The following COL6A3 variants were observed in gnomAD, a reference collection of about 807,000 sequenced individuals.
COL6A3 encodes the protein collagen alpha-3(VI) chain.
Under a neutral mutation model 274.1 loss-of-function variants are expected in COL6A3, and 137 were observed. The observed-to-expected ratio is 0.50, with a 90% CI of 0.44 to 0.58. The LOEUF (loss-of-function observed/expected upper bound fraction) is 0.58. COL6A3 is among the 20% of genes least tolerant of loss of function. COL6A3 has a pLI of 0.00. For missense variants in COL6A3, 3,950 were observed against 4,124.9 expected (o/e 0.96, Z 1.16); for synonymous variants, 1,650 against 1,650.6 (o/e 1.00, Z 0.01).
At chr2:237,333,693 T>C in intron 41 of COL6A3, 145 bp from the exon 42 acceptor site, 1 of 720,352 alleles carries the variant, frequency 1.4e-6, no homozygotes, top group South Asian at 1.6e-5. Context: ...CCAAGACACC[T>C]CTACATCCAC....
At chr2:237,360,477 G>A (rs12622722) in intron 16 of COL6A3, among the ~76,000 whole-genome samples, 66,997 of 151,866 alleles carry the variant, frequency 0.44, 15,287 homozygotes, top group Middle Eastern at 0.51. Context: ...AAGACCCACC[G>A]GGCTGACAGC....
At chr2:237,348,966 C>T (rs147856117) in intron 28 of COL6A3, among the ~76,000 whole-genome samples, 98 of 152,330 alleles carry the variant, frequency 6.4e-4, no homozygotes, top group Non-Finnish European at 1.0e-3. Context: ...AAAGACTCGT[C>T]AACCCCAAGA....
intron 31 of COL6A3, 71 bp from the exon 32 acceptor site, chr2:237,346,636 A>G: frequency 2.1e-6 from 3 of 1,415,264 alleles, no homozygotes; most frequent in Non-Finnish European, 3.0e-6. Flanking sequence ...TATAGTTGGA[A>G]GGTACGGTAA....
In COL6A3 at chr2:237,352,546, T is replaced by C. The variant is rs1226017067; in HGVS notation, c.6729A>G (p.Gly2243=). The change falls in exon 26 of 44, where the codon GGA becomes GGG. Residue 2243 remains glycine (G), a synonymous_variant. Coordinates refer to ENST00000295550, the MANE Select transcript of COL6A3 (RefSeq NM_004369.4). ...AGPAGPPGLI[G]EQGISGPRGS... ...CCCGAGGTCCAGAAATGCCTTGTTCTCCTATCAGCCCTGGAGGACCAGCAG... is the reference window on the plus strand; with the variant it reads ...CCCGAGGTCCAGAAATGCCTTGTTCCCCTATCAGCCCTGGAGGACCAGCAG... 1 of 1,613,274 alleles carries C rather than the reference T, an allele frequency of 6.2e-7. No homozygotes were observed. The highest frequency in any genetic ancestry group is 1.3e-5 in the African/African-American group (1 of 74,886).
intron 42 of COL6A3, among the ~76,000 whole-genome samples, chr2:237,332,771 G>A (rs993447268): frequency 6.6e-6 from 1 of 152,148 alleles, no homozygotes; most frequent in Non-Finnish European, 1.5e-5. Flanking sequence ...TTAATAATCA[G>A]TTTCTCACCG....
intron 39 of COL6A3, among the ~76,000 whole-genome samples, chr2:237,337,951 T>C (rs972945279): frequency 3.3e-5 from 5 of 152,222 alleles, no homozygotes; most frequent in African/African-American, 4.8e-5. Context: ...ATCACAGCAT[T>C]AATAATTTTA....
Position 237,361,043 on chromosome 2 carries a change from G to A in COL6A3, c.6210+78C>T. 8.3e-7 allele frequency: 1 copy of A among 1,206,572 alleles called. No individual in the cohort carries two copies. Among genetic ancestry groups the A allele is most frequent in the East Asian group, 2.3e-5 (1 of 42,926 alleles). The allele number at this position is 1,206,572 out of a possible 1,614,324, so 74.7% of individuals were successfully genotyped here. A position where few individuals can be genotyped will look rare whatever the true frequency, so the allele number is the denominator to read the frequency against. ...AGCCATCAGCAACTGAACAAATGAT[G>A]AAATCCACAATGCAATCCCAATGGG... On this transcript the variant is annotated intron_variant, in intron 16 of 43. Transcript: ENST00000295550. The surrounding 1 kb of genome is among the most constrained non-coding windows in gnomAD (Gnocchi z 5.1).
At chr2:237,381,644 T>C in intron 4 of COL6A3, 145 bp from the exon 5 acceptor site, 4 of 732,858 alleles carry the variant, frequency 5.5e-6, no homozygotes, top group Non-Finnish European at 9.4e-6. Context: ...AGGGAATTTG[T>C]CCTAATGAAC....
chr2:237,342,033 G>T, intron 37 of COL6A3, 32 bp downstream of exon 37: 1 of 1,570,174 alleles, frequency 6.4e-7, no homozygotes, highest in Admixed American at 1.7e-5. Flanking sequence ...AATTGCAGCT[G>T]AGCAGATCTT....
rs778876381 is a variant in COL6A3 at position 237,376,986 on chromosome 2, T to C, written c.2856A>G (p.Ser952=). Residue 952 remains serine, a synonymous_variant, in exon 7 of 44, where the codon TCA becomes TCG. Transcript: ENST00000295550. ...TTGCTGGCCCATCCACACGGTCAGA[T>C]GACCTTCCTGCGACCAGCAGCACCA... The part of the protein sequence containing the change: ...QFLVLLVAGR[S]SDRVDGPASN... 2 of 1,614,236 alleles carry C rather than the reference T, an allele frequency of 1.2e-6. No individual in the cohort carries two copies. Among genetic ancestry groups the C allele is most frequent in the East Asian group, 2.2e-5 (1 of 44,890 alleles).
rs971890731 is a variant in COL6A3 at position 237,364,757 on chromosome 2, C to T, written c.5839-329G>A. On this transcript the variant is annotated intron_variant, in intron 12 of 43. Coordinates refer to ENST00000295550, the MANE Select transcript of COL6A3 (RefSeq NM_004369.4). This position sits in a 1 kb window ranked among gnomAD's most constrained non-coding sequence, Gnocchi z 4.6. The stretch of plus-strand genomic sequence containing the variant: ...ATGCATGTGTGCGTGCATGTGTGTG[C>T]ATGTGTGTGGGTACATATGTGTGTG... Among the ~76,000 whole-genome samples the T allele has an allele frequency of 3.3e-5, 5 of 151,026 alleles. No individual in the cohort carries two copies.
At position 237,378,839 on chromosome 2, in the gene COL6A3, G is replaced by C. The variant is rs1448426817; in HGVS notation, c.2294C>G (p.Ala765Gly). 1 of 1,614,144 alleles carries C rather than the reference G, an allele frequency of 6.2e-7. No homozygotes were observed. Among genetic ancestry groups the C allele is most frequent in the Non-Finnish European group, 8.5e-7 (1 of 1,180,066 alleles). Reference sequence around the variant, plus strand: ...AGTCAGGATGCCCGCGCGTGTCAAGGCGTTGGCAGCTTGCAAATAGGAGTC... The same window carrying C: ...AGTCAGGATGCCCGCGCGTGTCAAGCCGTTGGCAGCTTGCAAATAGGAGTC... ...SEDSYLQAANALTRAGILTFC... is the reference protein window; with the variant it reads ...SEDSYLQAANGLTRAGILTFC... Residue 765 changes from alanine to glycine, a missense_variant, in exon 6 of 44, where the codon GCC becomes GGC. Coordinates refer to ENST00000295550, the MANE Select transcript of COL6A3 (RefSeq NM_004369.4).
Position 237,368,470 on chromosome 2 carries a change from A to C in COL6A3, c.4900+93T>G. 2.7e-6 allele frequency: 4 copies of C among 1,459,550 alleles called. No homozygotes were observed. The highest frequency in any genetic ancestry group is 3.7e-6 in the Non-Finnish European group (4 of 1,076,518). The allele number at this position is 1,459,550 out of a possible 1,614,324, so 90.4% of individuals were successfully genotyped here. ...TATCTGAAGAAACAACCCAGAGAGA[A>C]GAAAATTATTAAAAATGACTACTGA... is the stretch of plus-strand genomic sequence containing the variant. On this transcript the variant is annotated intron_variant, in intron 10 of 43. Transcript: ENST00000295550. The surrounding 1 kb of genome is among the most constrained non-coding windows in gnomAD (Gnocchi z 4.4).
In COL6A3 at chr2:237,396,969, A is replaced by G. The variant is rs2078457872; in HGVS notation, c.-30-122T>C. The G allele has an allele frequency of 5.7e-6, 4 of 697,616 alleles. No individual in the cohort carries two copies. In the Admixed American group the frequency reaches 6.6e-5, roughly 12 times the overall value. The allele number at this position is 697,616 out of a possible 1,614,324, so 43.2% of individuals were successfully genotyped here. On this transcript the variant is annotated intron_variant, in intron 1 of 43. Transcript: ENST00000295550. ...TCCAAGAAGACTTTGTATCTGATTC[A>G]TTCTTTGAACCAGCAGCAAAAGGAT...
At chr2:237,362,001 C>T (rs72986142) in intron 14 of COL6A3, among the ~76,000 whole-genome samples, 170 bp from the exon 15 acceptor site, 1 of 152,060 alleles carries the variant, frequency 6.6e-6, no homozygotes, top group Non-Finnish European at 1.5e-5. Context: ...AAATTGCCAG[C>T]GAAGTCAGGA....
intron 14 of COL6A3, 108 bp downstream of exon 14, chr2:237,363,145 C>T: frequency 2.3e-6 from 2 of 887,712 alleles, no homozygotes; most frequent in Non-Finnish European, 3.3e-6. Context: ...CTACCAAGGC[C>T]CCCCCCCCAC....
chr2:237,395,328 G>T, intron 2 of COL6A3, 124 bp from the exon 3 acceptor site: 1 of 983,698 alleles, frequency 1.0e-6, no homozygotes, highest in Non-Finnish European at 1.5e-6. Context: ...ACACCTCACT[G>T]ATAATACAGG....
intron 4 of COL6A3, among the ~76,000 whole-genome samples, chr2:237,383,168 G>C (rs928655207): frequency 1.3e-5 from 2 of 152,182 alleles, no homozygotes; most frequent in African/African-American, 4.8e-5. Context: ...TGATGCCTGG[G>C]GTGAGAATCG....
rs768857256 is a variant in COL6A3 at position 237,368,530 on chromosome 2, A to G, written c.4900+33T>C. 3.7e-6 allele frequency: 6 copies of G among 1,609,620 alleles called. No individual in the cohort carries two copies. Among genetic ancestry groups the G allele is most frequent in the Non-Finnish European group, 4.2e-6 (5 of 1,177,300 alleles). On this transcript the variant is annotated intron_variant, in intron 10 of 43. Coordinates refer to ENST00000295550, the MANE Select transcript of COL6A3 (RefSeq NM_004369.4). This position sits in a 1 kb window ranked among gnomAD's most constrained non-coding sequence, Gnocchi z 4.4. ...TAACTAAAAAAAAAATGTTGATGTC[A>G]CACTCTGTAGTCATGGGTCACACGG...
Sources: gnomAD v4.1 joint callset for allele counts (sites outside exome capture counted in the v4.1 genomes callset) on GRCh38, gnomAD v4.1.1 for gene constraint, Gnocchi (gnomAD v3.1) non-coding constraint, MANE v1.5 for transcripts, NCBI Gene and HGNC (gene_info 2026-07-23, HGNC 2026-07-21) for gene names.